ZNF678: variants seen among roughly 807,000 people sequenced by gnomAD.
ZNF678 encodes the protein hypothetical protein MGC42493.
Under a neutral mutation model 3.0 loss-of-function variants are expected in ZNF678, and 5 were observed. The observed-to-expected ratio is 1.69, with a 90% CI of 0.88 to 3.56. The LOEUF (loss-of-function observed/expected upper bound fraction) is 3.56. Ranked by LOEUF, ZNF678 falls within the 30% of genes most tolerant of loss-of-function variation. The pLI is 0.00. For missense variants in ZNF678, 593 were observed against 605.0 expected (o/e 0.98, Z 0.21); for synonymous variants, 218 against 199.6 (o/e 1.09, Z -0.78).
At chr1:227,673,629 G>A (rs528589621) in intron 5 of ZNF678, among the ~76,000 whole-genome samples, 25 of 152,178 alleles carry the variant, frequency 1.6e-4, no homozygotes, top group Admixed American at 3.3e-4. Context: ...ATTTCTCAGA[G>A]ATTAATGTCT....
rs16848044 is a variant in ZNF678 at position 227,673,208 on chromosome 1, G to A, written c.227-3971G>A. Among the ~76,000 whole-genome samples the A allele has an allele frequency of 5.0e-3, 758 of 152,184 alleles. 19 individuals are homozygous for A. The South Asian group carries it at 0.057, about 11-fold the overall frequency. ...AAGCATCTTGCATCCTGCCTCTTGGGTTTTCAACAATCCCATAATTTTTCA... is the reference window on the plus strand; with the variant it reads ...AAGCATCTTGCATCCTGCCTCTTGGATTTTCAACAATCCCATAATTTTTCA... On this transcript the variant is annotated intron_variant, in intron 5 of 5. Coordinates refer to the ZNF678 transcript ENST00000608949.
Position 227,654,941 on chromosome 1 carries a change from C to T in ZNF678, c.691C>T (p.His231Tyr), listed in dbSNP as rs1659189099. Residue 231 changes from histidine (H) to tyrosine (Y), a missense_variant, in exon 4 of 4, where the codon CAT becomes TAT. Physicochemically the swap from His to Tyr is moderately conservative, Grantham distance 83. Transcript: ENST00000343776. ...FSNLTQHKRI[H>Y]TGEKPYKCKE... ...AAACCTTACACAACATAAGAGAATT[C>T]ATACTGGAGAGAAACCCTACAAATG... The T allele has an allele frequency of 4.3e-6, 7 of 1,612,494 alleles. No individual in the cohort carries two copies. The highest frequency in any genetic ancestry group is 5.9e-6 in the Non-Finnish European group (7 of 1,179,464).
At chr1:227,667,561 TCTC>T (rs921406968) in intron 5 of ZNF678, among the ~76,000 whole-genome samples, 8 of 152,308 alleles carry the variant, frequency 5.3e-5, no homozygotes, top group Middle Eastern at 3.4e-3. Flanking sequence ...CTTCTATTAA[TCTC>T]CTCTCCAGGA....
At chr1:227,599,288 C>T (rs897804758) in intron 1 of ZNF678, among the ~76,000 whole-genome samples, 24 of 152,326 alleles carry the variant, frequency 1.6e-4, no homozygotes, top group South Asian at 4.1e-4. Flanking sequence ...CAGTACCACG[C>T]GGTTGTCCCA....
intron 2 of ZNF678, among the ~76,000 whole-genome samples, chr1:227,650,583 CTT>C (rs920014583): frequency 3.3e-5 from 5 of 152,096 alleles, no homozygotes; most frequent in Non-Finnish European, 5.9e-5. Context: ...TAATATGACA[CTT>C]TACAATAATT....
chr1:227,602,422 A>G (rs776017093), intron 1 of ZNF678, among the ~76,000 whole-genome samples: 1 of 152,236 alleles, frequency 6.6e-6, no homozygotes, highest in Non-Finnish European at 1.5e-5. Context: ...TGTACACATA[A>G]GTAAAATATT....
chr1:227,635,422 A>T (rs1658649966), intron 1 of ZNF678, among the ~76,000 whole-genome samples: 1 of 151,832 alleles, frequency 6.6e-6, no homozygotes, highest in African/African-American at 2.4e-5. Flanking sequence ...GAAAATTTGT[A>T]TTTCTTTTGA....
Position 227,659,727 on chromosome 1 carries a change from T to C in ZNF678, c.*3899T>C, listed in dbSNP as rs1659349771. On this transcript the variant is annotated 3_prime_UTR_variant, in exon 4 of 4. Coordinates refer to ENST00000343776, the MANE Select transcript of ZNF678 (RefSeq NM_001367909.1). Reference sequence around the variant, plus strand: ...CATTGCTATCGCTCCATGATGTGTTTAAAAATTATTTTTAAATTGACAAAA... The same window carrying C: ...CATTGCTATCGCTCCATGATGTGTTCAAAAATTATTTTTAAATTGACAAAA... The C allele has an allele frequency of 6.6e-6, 1 of 152,196 alleles. No individual in the cohort carries two copies. Among genetic ancestry groups the C allele is most frequent in the Non-Finnish European group, 1.5e-5 (1 of 68,028 alleles). The allele number at this position is 152,196 out of a possible 1,614,324, so 9.4% of individuals were successfully genotyped here.
chr1:227,642,962 C>T lies in ZNF678; in HGVS notation c.-163-3582C>T, dbSNP rs369968386. ...CTATTAGAAAAGCAAATGGAGCTGT[C>T]ATGGCTCCATCATCCGGGAACTTTC... On this transcript the variant is annotated intron_variant, in intron 1 of 3. Coordinates refer to ENST00000343776, the MANE Select transcript of ZNF678 (RefSeq NM_001367909.1). Among the ~76,000 whole-genome samples the T allele has an allele frequency of 3.2e-4, 44 of 138,836 alleles. No homozygotes were observed. The East Asian group carries it at 8.6e-3, about 27-fold the overall frequency. 91.1% of individuals were successfully genotyped at this position (138,836 alleles called of 152,430 possible).
intron 1 of ZNF678, among the ~76,000 whole-genome samples, chr1:227,595,609 A>T (rs1230228397): frequency 6.6e-6 from 1 of 152,130 alleles, no homozygotes; most frequent in Non-Finnish European, 1.5e-5. Flanking sequence ...TGCTTCTTCG[A>T]GACAAAACAC....
intron 5 of ZNF678, among the ~76,000 whole-genome samples, chr1:227,673,313 T>C (rs1659631795): frequency 6.6e-6 from 1 of 152,236 alleles, no homozygotes; most frequent in African/African-American, 2.4e-5. Flanking sequence ...TCAAGACTGC[T>C]GCTGTTCATA....
intron 1 of ZNF678, among the ~76,000 whole-genome samples, chr1:227,575,689 A>G (rs1253310212): frequency 2.0e-5 from 3 of 152,180 alleles, no homozygotes; most frequent in Non-Finnish European, 4.4e-5. Flanking sequence ...TCATCTGCAA[A>G]CAGGTATAGT....
chr1:227,633,272 A>G (rs1658595823), intron 1 of ZNF678, among the ~76,000 whole-genome samples: 1 of 152,208 alleles, frequency 6.6e-6, no homozygotes, highest in East Asian at 1.9e-4. Context: ...GAGCTCCCAT[A>G]CAACGGGAGA....
At chr1:227,672,781 C>T (rs1659622735) in intron 5 of ZNF678, among the ~76,000 whole-genome samples, 1 of 152,146 alleles carries the variant, frequency 6.6e-6, no homozygotes, top group Non-Finnish European at 1.5e-5. Flanking sequence ...TTGATTGTCT[C>T]CGAAAATTAT....
chr1:227,648,941 TGTATAAGTGAGATCATACA>T (rs1239947420), intron 2 of ZNF678, among the ~76,000 whole-genome samples: 1 of 152,240 alleles, frequency 6.6e-6, no homozygotes, highest in Non-Finnish European at 1.5e-5. Context: ...TTGGATTCTT[TGTATAAGTGAGATCATACA>T]GTATCTGCCT....
At chr1:227,628,011 T>C (rs1456988683) in intron 1 of ZNF678, among the ~76,000 whole-genome samples, 1 of 152,250 alleles carries the variant, frequency 6.6e-6, no homozygotes, top group East Asian at 1.9e-4. Flanking sequence ...GTGGCAGCAC[T>C]GGCCCTTCAA....
intron 1 of ZNF678, among the ~76,000 whole-genome samples, chr1:227,591,791 C>A (rs1657420252): frequency 6.6e-6 from 1 of 152,098 alleles, no homozygotes; most frequent in Non-Finnish European, 1.5e-5. Context: ...AATAATAGGA[C>A]CATAGCAACC....
At chr1:227,625,777 C>T (rs775641699) in intron 1 of ZNF678, among the ~76,000 whole-genome samples, 1 of 152,096 alleles carries the variant, frequency 6.6e-6, no homozygotes, top group Non-Finnish European at 1.5e-5. Context: ...AGATTGCTTC[C>T]TTTACGTGTT....
chr1:227,597,345 T>G (rs1657619426), intron 1 of ZNF678, among the ~76,000 whole-genome samples: 1 of 152,252 alleles, frequency 6.6e-6, no homozygotes, highest in African/African-American at 2.4e-5. Context: ...CCTTCCAGCG[T>G]GGGCGTCATA....
Sources: gnomAD v4.1 joint callset for allele counts (sites outside exome capture counted in the v4.1 genomes callset) on GRCh38, gnomAD v4.1.1 for gene constraint, MANE v1.5 for transcripts, NCBI Gene and HGNC (gene_info 2026-07-23, HGNC 2026-07-21) for gene names.